Variants in UBR7 observed in about 807,000 individuals in gnomAD.
UBR7 encodes the protein ubiquitin protein ligase E3 component n-recognin 7.
Under a neutral mutation model 57.0 loss-of-function variants are expected in UBR7, and 22 were observed. The observed-to-expected ratio is 0.39, with a 90% CI of 0.28 to 0.55. UBR7 has a LOEUF of 0.55. UBR7 is among the 20% of genes least tolerant of loss of function. The probability of loss-of-function intolerance (pLI) is 0.69; values close to 1 mark genes in which losing one functional copy is unlikely to be tolerated. For missense variants in UBR7, 395 were observed against 513.2 expected, an observed-to-expected ratio of 0.77 and a Z score of 2.23; for synonymous variants, 167 against 179.8, an observed-to-expected ratio of 0.93 and a Z score of 0.57.
intron 10 of UBR7, 107 bp downstream of exon 10, chr14:93,222,481 A>C: frequency 5.1e-5 from 43 of 848,554 alleles, no homozygotes; most frequent in Non-Finnish European, 8.0e-5. Flanking sequence ...GCGGTGGCTC[A>C]CACCTGTAAT....
Position 93,209,864 on chromosome 14 carries a change from G to GC in UBR7, c.192dup (p.Thr65HisfsTer17). ...CAAGCACTATATGCCTGTAGTACCT[G>GC]CACCCCAGAGGGAGAAGAACCAGCA... On this transcript the variant is annotated frameshift_variant, in exon 2 of 11. Transcript: ENST00000013070. LOFTEE classifies it high-confidence loss of function. The GC allele has an allele frequency of 6.2e-7, 1 of 1,613,942 alleles. No individual in the cohort carries two copies. The highest frequency in any genetic ancestry group is 8.5e-7 in the Non-Finnish European group (1 of 1,179,928).
At chr14:93,214,830 T>C in intron 4 of UBR7, 99 bp from the exon 5 acceptor site, 3 of 1,080,008 alleles carry the variant, frequency 2.8e-6, no homozygotes, top group South Asian at 2.6e-5. Flanking sequence ...CACCAGTTCA[T>C]GTAGAACAAA....
At chr14:93,220,804 GA>G (rs1172721331) in intron 9 of UBR7, among the ~76,000 whole-genome samples, 1 of 150,544 alleles carries the variant, frequency 6.6e-6, no homozygotes, top group Non-Finnish European at 1.5e-5. Context: ...CCAAACCCTT[GA>G]TTGAAGGCTT....
intron 10 of UBR7, 56 bp from the exon 11 acceptor site, chr14:93,226,887 C>T (rs1183095385): frequency 1.5e-5 from 19 of 1,248,092 alleles, no homozygotes; most frequent in African/African-American, 1.5e-4. Context: ...GCTATGACCT[C>T]GGATTGCGAT....
intron 5 of UBR7, 83 bp downstream of exon 5, chr14:93,215,065 A>C: frequency 7.0e-7 from 1 of 1,438,394 alleles, no homozygotes; most frequent in Non-Finnish European, 9.6e-7. Context: ...TAGTCTTCTA[A>C]AAATAAATTC....
intron 3 of UBR7, 109 bp downstream of exon 3, chr14:93,210,817 G>GCTT (rs1170399783): frequency 1.1e-6 from 1 of 938,298 alleles, no homozygotes; most frequent in Non-Finnish European, 1.6e-6. Flanking sequence ...AAGTTCTTAT[G>GCTT]CTTATTCTTT....
intron 8 of UBR7, among the ~76,000 whole-genome samples, chr14:93,219,839 G>A (rs1220503833): frequency 6.6e-6 from 1 of 152,150 alleles, no homozygotes; most frequent in South Asian, 2.1e-4. Flanking sequence ...GCTGGGTGTG[G>A]TGGCACATGC....
rs139028850 is a variant in UBR7 at position 93,224,539 on chromosome 14, G to A, written c.1185+2165G>A. Among the ~76,000 whole-genome samples, 1,362 of 151,908 alleles carry A rather than the reference G, an allele frequency of 9.0e-3. 20 individuals carry two copies. Among genetic ancestry groups the A allele is most frequent in the African/African-American group, 0.031 (1,295 of 41,348 alleles). On this transcript the variant is annotated intron_variant, in intron 10 of 10. Transcript: ENST00000013070. ...ACTACAGGCACCCGCCACCACGCCC[G>A]GCTAATGTTTTGTATTTTTAGTAGA...
chr14:93,212,309 T>A (rs550706365), intron 4 of UBR7, among the ~76,000 whole-genome samples, 182 bp downstream of exon 4: 3 of 152,306 alleles, frequency 2.0e-5, no homozygotes, highest in Non-Finnish European at 4.4e-5. Flanking sequence ...CAACCATTCT[T>A]TTCATTTTTA....
intron 1 of UBR7, among the ~76,000 whole-genome samples, chr14:93,207,681 C>T (rs1330300743): frequency 2.0e-5 from 3 of 152,150 alleles, no homozygotes. Context: ...TCTGTCCGGC[C>T]CGCCAGGAAG....
In UBR7 at chr14:93,227,805, AT is replaced by A. The variant is rs1894891971; in HGVS notation, c.*773del. Reference sequence around the variant, plus strand: ...GTGCTCACAGGGCTTCCTGGAGAACATTTGCCCGTATACTAGTCCCTTCTCT... The same window carrying A: ...GTGCTCACAGGGCTTCCTGGAGAACATTGCCCGTATACTAGTCCCTTCTCT... On this transcript the variant is annotated 3_prime_UTR_variant, in exon 11 of 11. Transcript: ENST00000013070. 1 of 700,670 alleles carries A rather than the reference AT, an allele frequency of 1.4e-6. No homozygotes were observed. The highest frequency in any genetic ancestry group is 1.7e-5 in the African/African-American group (1 of 57,160). The allele number at this position is 700,670 out of a possible 1,614,324, so 43.4% of individuals were successfully genotyped here. A position where few individuals can be genotyped will look rare whatever the true frequency, so the allele number is the denominator to read the frequency against.
chr14:93,224,582 T>C (rs1894803043), intron 10 of UBR7, among the ~76,000 whole-genome samples: 1 of 152,080 alleles, frequency 6.6e-6, no homozygotes, highest in South Asian at 2.1e-4. Flanking sequence ...TTTCACCGTG[T>C]TAGCCAGGAT....
chr14:93,215,271 A>G lies in UBR7; in HGVS notation c.591A>G (p.Ala197=), dbSNP rs141676205. 1.2e-5 allele frequency: 19 copies of G among 1,576,288 alleles called. No individual in the cohort carries two copies. The highest frequency in any genetic ancestry group is 1.6e-5 in the Non-Finnish European group (19 of 1,159,750). ...GTTCTTTTTTGTGGGCTTATGCTGC[A>G]CAATTGGCAGGTAGGTATCTTTGTG... ...KRCSFLWAYA[A]QLAVTKISTE... The change falls in exon 6 of 11, where the codon GCA becomes GCG. Residue 197 remains alanine (A), a synonymous_variant. Transcript: ENST00000013070.
intron 4 of UBR7, 131 bp downstream of exon 4, chr14:93,212,258 T>C: frequency 1.5e-6 from 1 of 682,494 alleles, no homozygotes; most frequent in Non-Finnish European, 2.6e-6. Flanking sequence ...GATTTATCTT[T>C]TCTTATGAAT....
chr14:93,227,182 T>C lies in UBR7; in HGVS notation c.*147T>C. 1.5e-6 allele frequency: 1 copy of C among 649,738 alleles called. No individual in the cohort carries two copies. The highest frequency in any genetic ancestry group is 2.8e-6 in the Non-Finnish European group (1 of 356,118). The allele number at this position is 649,738 out of a possible 1,614,324, so 40.2% of individuals were successfully genotyped here. A position where few individuals can be genotyped will look rare whatever the true frequency, so the allele number is the denominator to read the frequency against. On this transcript the variant is annotated 3_prime_UTR_variant, in exon 11 of 11. Coordinates refer to ENST00000013070, the MANE Select transcript of UBR7 (RefSeq NM_175748.4). The stretch of plus-strand genomic sequence containing the variant: ...CTCCCTTCATTCTCTTTAGCTGCAG[T>C]AGCCACCGTGTGGATGCTGACTTCA...
At chr14:93,215,549 C>T (rs897170675) in intron 6 of UBR7, among the ~76,000 whole-genome samples, 1 of 151,836 alleles carries the variant, frequency 6.6e-6, no homozygotes, top group Admixed American at 6.6e-5. Flanking sequence ...ATTAGCCTGG[C>T]GTCACGGCGC....
At chr14:93,216,459 A>G (rs550410589) in intron 6 of UBR7, among the ~76,000 whole-genome samples, 6 of 152,192 alleles carry the variant, frequency 3.9e-5, no homozygotes, top group Non-Finnish European at 8.8e-5. Flanking sequence ...TTTATTTTTA[A>G]GGTGGCAGTT....
At position 93,228,994 on chromosome 14, in the gene UBR7, T is replaced by G. The variant is rs1373789438; in HGVS notation, c.*1959T>G. 2 of 453,922 alleles carry G rather than the reference T, an allele frequency of 4.4e-6. No homozygotes were observed. The highest frequency in any genetic ancestry group is 4.7e-5 in the Admixed American group (2 of 42,532). The allele number at this position is 453,922 out of a possible 1,614,324, so 28.1% of individuals were successfully genotyped here. A position where few individuals can be genotyped will look rare whatever the true frequency, so the allele number is the denominator to read the frequency against. On this transcript the variant is annotated 3_prime_UTR_variant, in exon 11 of 11. Transcript: ENST00000013070. ...TCTTTTTTTACCTGTTGTTCACAAC[T>G]AGTTTTCTTATTGACTGTATTGGAC... is the stretch of plus-strand genomic sequence containing the variant.
At chr14:93,216,912 G>C (rs572163294) in intron 6 of UBR7, among the ~76,000 whole-genome samples, 1 of 151,392 alleles carries the variant, frequency 6.6e-6, no homozygotes, top group Non-Finnish European at 1.5e-5. Context: ...CACCACGCCC[G>C]GCCAGTTTGC....
Sources: allele counts gnomAD v4.1 joint callset (sites outside exome capture counted in the v4.1 genomes callset), GRCh38; gene constraint gnomAD v4.1.1; transcripts MANE v1.5; gene names NCBI Gene and HGNC (gene_info 2026-07-23, HGNC 2026-07-21).